The following WWOX variants were observed in gnomAD, a reference collection of about 807,000 sequenced individuals.
WWOX encodes WW domain containing oxidoreductase.
In WWOX, 69 loss-of-function variants were observed where a neutral mutation model predicts 46.2. The observed-to-expected ratio is 1.49, with a 90% CI of 1.23 to 1.82. The LOEUF (loss-of-function observed/expected upper bound fraction) is 1.82. Among genes scored for constraint, WWOX ranks in the 40% most tolerant of loss-of-function variants. The pLI, the probability that WWOX is intolerant of heterozygous loss-of-function variation, is 0.00. For synonymous variants in WWOX, 359 were observed against 202.6 expected (o/e 1.77, Z -6.56); for missense variants, 919 against 542.6 (o/e 1.69, Z -6.89).
intron 5 of WWOX, among the ~76,000 whole-genome samples, chr16:78,341,465 T>C (rs572374354): frequency 1.6e-5 from 2 of 121,672 alleles, no homozygotes; most frequent in East Asian, 3.9e-4. Context: ...ACTCATTCTT[T>C]TAAGCTTGTC....
chr16:79,003,928 C>G (rs774194229), intron 8 of WWOX, among the ~76,000 whole-genome samples: 3 of 152,168 alleles, frequency 2.0e-5, no homozygotes, highest in Non-Finnish European at 2.9e-5. Flanking sequence ...CAGATTTTAT[C>G]ACTGTCCTGG....
chr16:79,021,237 T>G (rs2047526546), intron 8 of WWOX, among the ~76,000 whole-genome samples: 1 of 152,172 alleles, frequency 6.6e-6, no homozygotes, highest in African/African-American at 2.4e-5. Flanking sequence ...TTTGCCTTCA[T>G]TTGTTTGACA....
At chr16:78,298,168 A>G (rs2079972329) in intron 5 of WWOX, among the ~76,000 whole-genome samples, 1 of 152,166 alleles carries the variant, frequency 6.6e-6, no homozygotes, top group Non-Finnish European at 1.5e-5. Flanking sequence ...CTGTGAATCA[A>G]TTAAACCTCT....
At chr16:78,617,722 T>A (rs1249724720) in intron 8 of WWOX, among the ~76,000 whole-genome samples, 1 of 152,174 alleles carries the variant, frequency 6.6e-6, no homozygotes, top group African/African-American at 2.4e-5. Flanking sequence ...AGGAAATCTT[T>A]GTGCATGGCT....
intron 8 of WWOX, among the ~76,000 whole-genome samples, chr16:78,909,862 C>A (rs1400517174): frequency 2.6e-5 from 4 of 152,148 alleles, no homozygotes; most frequent in African/African-American, 7.2e-5. Flanking sequence ...TGGCAAATGG[C>A]ACATTGCATG....
chr16:78,227,176 C>T (rs2037089260), intron 5 of WWOX, among the ~76,000 whole-genome samples: 1 of 152,216 alleles, frequency 6.6e-6, no homozygotes, highest in Non-Finnish European at 1.5e-5. Flanking sequence ...CTGTTCATTA[C>T]TCTTTTTTAT....
chr16:78,777,709 G>A (rs1597593269), intron 8 of WWOX, among the ~76,000 whole-genome samples: 1 of 152,274 alleles, frequency 6.6e-6, no homozygotes, highest in East Asian at 1.9e-4. Flanking sequence ...CATTTTATAA[G>A]TACCTATTAT....
intron 8 of WWOX, among the ~76,000 whole-genome samples, chr16:78,939,145 G>A (rs112553804): frequency 5.3e-5 from 8 of 152,188 alleles, no homozygotes; most frequent in East Asian, 1.9e-4. Flanking sequence ...TCGAAGTCAC[G>A]TCCATGTTGC....
At chr16:78,405,455 T>C (rs556512695) in intron 6 of WWOX, among the ~76,000 whole-genome samples, 1 of 152,356 alleles carries the variant, frequency 6.6e-6, no homozygotes, top group South Asian at 2.1e-4. Context: ...AAGGAATAGC[T>C]GATGGTCACT....
chr16:78,543,868 T>A (rs2043959143), intron 8 of WWOX, among the ~76,000 whole-genome samples: 1 of 152,184 alleles, frequency 6.6e-6, no homozygotes. Context: ...TGAAACCCTG[T>A]TTATTTGTAT....
intron 8 of WWOX, among the ~76,000 whole-genome samples, chr16:78,722,094 C>G (rs576791698): frequency 6.6e-6 from 1 of 152,198 alleles, no homozygotes; most frequent in South Asian, 2.1e-4. Context: ...CTTTACGTGC[C>G]TTGATTAAGG....
intron 8 of WWOX, among the ~76,000 whole-genome samples, chr16:78,918,737 C>A (rs191368482): frequency 1.5e-3 from 227 of 152,272 alleles, no homozygotes; most frequent in African/African-American, 4.9e-3. Context: ...TCTCACTATA[C>A]CCATTTCAGA....
At chr16:78,887,106 G>GTGTGTGTT (rs2044479778) in intron 8 of WWOX, among the ~76,000 whole-genome samples, 2 of 67,328 alleles carry the variant, frequency 3.0e-5, no homozygotes, top group African/African-American at 6.6e-5. Context: ...GTGTGTGTGT[G>GTGTGTGTT]TGTGTGTGTG....
chr16:78,787,731 A>G (rs2050492610), intron 8 of WWOX, among the ~76,000 whole-genome samples: 1 of 152,172 alleles, frequency 6.6e-6, no homozygotes, highest in African/African-American at 2.4e-5. Flanking sequence ...TAACTTTCAG[A>G]GGAGCCACCA....
chr16:78,557,114 G>C (rs1313193146), intron 8 of WWOX, among the ~76,000 whole-genome samples: 1 of 152,204 alleles, frequency 6.6e-6, no homozygotes, highest in Non-Finnish European at 1.5e-5. Flanking sequence ...ATGATTGTGA[G>C]AAGTCCACAT....
chr16:78,742,250 C>T (rs146382505), intron 8 of WWOX, among the ~76,000 whole-genome samples: 1 of 152,086 alleles, frequency 6.6e-6, no homozygotes, highest in African/African-American at 2.4e-5. Context: ...GATAATAGTC[C>T]ATGATCAAGG....
intron 8 of WWOX, among the ~76,000 whole-genome samples, chr16:78,602,010 C>T (rs185912882): frequency 1.2e-4 from 18 of 152,254 alleles, no homozygotes; most frequent in African/African-American, 4.1e-4. Flanking sequence ...ACAATGGTTT[C>T]GTATTAGGGA....
chr16:78,403,943 C>G (rs1388017824), intron 6 of WWOX, among the ~76,000 whole-genome samples: 1 of 152,108 alleles, frequency 6.6e-6, no homozygotes, highest in African/African-American at 2.4e-5. Context: ...GCAGGGTTTT[C>G]CAAAGTTCAC....
chr16:78,515,806 A>G (rs145592600), intron 8 of WWOX, among the ~76,000 whole-genome samples: 4 of 152,286 alleles, frequency 2.6e-5, no homozygotes, highest in Admixed American at 6.5e-5. Context: ...TCTTCTTCCA[A>G]TAAGTCAGCA....
Sources: allele counts gnomAD v4.1 joint callset (sites outside exome capture counted in the v4.1 genomes callset), GRCh38; gene constraint gnomAD v4.1.1; transcripts MANE v1.5; gene names NCBI Gene and HGNC (gene_info 2026-07-23, HGNC 2026-07-21).